PAK5: variants seen among roughly 807,000 people sequenced by gnomAD.
PAK5 encodes the protein p21 (RAC1) activated kinase 5.
In PAK5, 16 loss-of-function variants were observed where a neutral mutation model predicts 65.9. The observed-to-expected ratio is 0.24, with a 90% CI of 0.16 to 0.37. The LOEUF is 0.37. Ranked by LOEUF, PAK5 falls within the 10% of genes least tolerant of loss-of-function variation. The pLI, the probability that PAK5 is intolerant of heterozygous loss-of-function variation, is 1.00. For missense variants in PAK5, 785 were observed against 903.9 expected (o/e 0.87, Z 1.69); for synonymous variants, 371 against 354.9 (o/e 1.05, Z -0.51).
Position 9,599,509 on chromosome 20 carries a change from CTTG to C in PAK5, c.205-18582_205-18580del, listed in dbSNP as rs2046324843. Among the ~76,000 whole-genome samples the C allele has an allele frequency of 3.3e-5, 5 of 152,338 alleles. No individual in the cohort carries two copies. In the South Asian group the frequency reaches 1.0e-3, roughly 32 times the overall value. ...CCAATGTCTCCGCATCCTTGAAACA[CTTG>C]TTATTTTCCATTAAAAATATTATTT... On this transcript the variant is annotated intron_variant, in intron 3 of 9. Transcript: ENST00000353224.
intron 6 of PAK5, among the ~76,000 whole-genome samples, chr20:9,558,609 G>A (rs6056699): frequency 8.5e-5 from 13 of 152,094 alleles, no homozygotes; most frequent in Non-Finnish European, 1.8e-4. Flanking sequence ...GCTGAGCTCA[G>A]GCAAAGTGGT....
At chr20:9,817,815 C>G (rs1361745120) in intron 1 of PAK5, among the ~76,000 whole-genome samples, 2 of 152,142 alleles carry the variant, frequency 1.3e-5, no homozygotes, top group Admixed American at 1.3e-4. Flanking sequence ...TGCACACACT[C>G]TATGATTTAT....
At chr20:9,681,358 G>A (rs980668) in intron 2 of PAK5, among the ~76,000 whole-genome samples, 10,404 of 152,032 alleles carry the variant, frequency 0.068, 1,173 homozygotes, top group African/African-American at 0.24. Context: ...CTGTATTTCA[G>A]TTGAAGGGTT....
At chr20:9,578,297 T>C (rs1371905481) in intron 4 of PAK5, among the ~76,000 whole-genome samples, 1 of 152,050 alleles carries the variant, frequency 6.6e-6, no homozygotes, top group Non-Finnish European at 1.5e-5. Flanking sequence ...TATGTGAAAA[T>C]GTGGACTCAG....
At chr20:9,602,398 C>T (rs1359197860) in intron 3 of PAK5, among the ~76,000 whole-genome samples, 2 of 152,188 alleles carry the variant, frequency 1.3e-5, no homozygotes, top group African/African-American at 4.8e-5. Flanking sequence ...TGCTACCATA[C>T]AACCTAGGGA....
intron 7 of PAK5, among the ~76,000 whole-genome samples, chr20:9,551,566 C>T (rs993563440): frequency 1.3e-4 from 20 of 152,242 alleles, no homozygotes; most frequent in Admixed American, 2.0e-4. Context: ...AGGGCAGCTA[C>T]AGGTTTAAAG....
Position 9,654,238 on chromosome 20 carries a change from G to T in PAK5, c.-11-9899C>A, listed in dbSNP as rs181436206. Among the ~76,000 whole-genome samples the T allele has an allele frequency of 5.5e-3, 837 of 152,200 alleles. 8 individuals are homozygous for T. Among genetic ancestry groups the T allele is most frequent in the Middle Eastern group, 0.01 (3 of 294 alleles). ...TCTGCCTGCCTCAGCCTCCCAAAGT[G>T]CTGGGATTATAGGCGTGAGCCACCG... On this transcript the variant is annotated intron_variant, in intron 2 of 9. Transcript: ENST00000353224.
At chr20:9,547,923 GGGA>G (rs1418875664) in intron 7 of PAK5, among the ~76,000 whole-genome samples, 9 of 152,144 alleles carry the variant, frequency 5.9e-5, no homozygotes, top group African/African-American at 2.2e-4. Context: ...AAACAGAAGA[GGGA>G]GGAGGTCACA....
intron 1 of PAK5, among the ~76,000 whole-genome samples, chr20:9,747,117 C>A (rs1204165203): frequency 6.6e-6 from 1 of 152,136 alleles, no homozygotes; most frequent in East Asian, 1.9e-4. Flanking sequence ...CACGTACACC[C>A]TCCCAAGACT....
At chr20:9,764,591 G>T (rs2048735743) in intron 1 of PAK5, among the ~76,000 whole-genome samples, 1 of 152,128 alleles carries the variant, frequency 6.6e-6, no homozygotes, top group Non-Finnish European at 1.5e-5. Context: ...TACGGTGATG[G>T]TAAAATAAGC....
chr20:9,695,465 G>A (rs2247950), intron 2 of PAK5, among the ~76,000 whole-genome samples: 51,627 of 151,776 alleles, frequency 0.34, 10,340 homozygotes, highest in African/African-American at 0.56. Flanking sequence ...CCTGCTTTTA[G>A]ATTTACGATC....
chr20:9,783,330 A>G (rs911263537), intron 1 of PAK5, among the ~76,000 whole-genome samples: 3 of 152,280 alleles, frequency 2.0e-5, no homozygotes, highest in Admixed American at 1.3e-4. Context: ...CAACTAAAGT[A>G]TTGCTGCGTA....
chr20:9,654,258 C>G (rs1015419678), intron 2 of PAK5, among the ~76,000 whole-genome samples: 1 of 152,166 alleles, frequency 6.6e-6, no homozygotes, highest in Non-Finnish European at 1.5e-5. Context: ...TAGGCGTGAG[C>G]CACCGTGCCC....
chr20:9,542,168 G>T (rs2045275559), intron 9 of PAK5, among the ~76,000 whole-genome samples: 1 of 152,020 alleles, frequency 6.6e-6, no homozygotes, highest in African/African-American at 2.4e-5. Context: ...TTATTTGTTT[G>T]TTTATGGTTT....
intron 2 of PAK5, among the ~76,000 whole-genome samples, chr20:9,710,706 T>C (rs1278410943): frequency 6.6e-6 from 1 of 152,162 alleles, no homozygotes; most frequent in African/African-American, 2.4e-5. Context: ...AATTCTTTCA[T>C]TCACCTGCTA....
intron 2 of PAK5, among the ~76,000 whole-genome samples, chr20:9,679,061 T>G (rs2047614652): frequency 6.6e-6 from 1 of 152,086 alleles, no homozygotes; most frequent in Admixed American, 6.5e-5. Context: ...AAGACCAACC[T>G]CTCCTGTTCC....
chr20:9,803,781 T>C (rs887347987), intron 1 of PAK5, among the ~76,000 whole-genome samples: 3 of 152,174 alleles, frequency 2.0e-5, no homozygotes, highest in Non-Finnish European at 4.4e-5. Context: ...AAATTCACTT[T>C]TCCATCAAGC....
chr20:9,795,464 C>G (rs145592895), intron 1 of PAK5, among the ~76,000 whole-genome samples: 17 of 152,060 alleles, frequency 1.1e-4, no homozygotes, highest in Non-Finnish European at 2.5e-4. Flanking sequence ...CAATGAAATC[C>G]AACCATAATC....
chr20:9,701,479 A>G (rs1219474807), intron 2 of PAK5, among the ~76,000 whole-genome samples: 1 of 152,168 alleles, frequency 6.6e-6, no homozygotes, highest in East Asian at 1.9e-4. Context: ...TGAAAAAGAT[A>G]CTGCACAAGA....
Sources: gnomAD v4.1 joint callset for allele counts (sites outside exome capture counted in the v4.1 genomes callset) on GRCh38, gnomAD v4.1.1 for gene constraint, MANE v1.5 for transcripts, NCBI Gene and HGNC (gene_info 2026-07-23, HGNC 2026-07-21) for gene names.